Variants in COMMD1 observed in about 807,000 individuals in gnomAD.
The protein encoded by COMMD1 is copper metabolism domain containing 1, also known as COMM domain-containing protein 1.
In COMMD1, 10 loss-of-function variants were observed where a neutral mutation model predicts 17.2. That is an observed-to-expected ratio of 0.58 (90% confidence interval 0.36 to 0.99). The LOEUF is 0.99. COMMD1 is among the 50% of genes least tolerant of loss of function. COMMD1 has a pLI of 0.01. For synonymous variants in COMMD1, 97 were observed against 91.6 expected (o/e 1.06, Z -0.34); for missense variants, 270 against 231.8 (o/e 1.17, Z -1.07).
At chr2:62,033,875 C>T (rs993810833) in intron 2 of COMMD1, among the ~76,000 whole-genome samples, 36 of 151,448 alleles carry the variant, frequency 2.4e-4, no homozygotes, top group Admixed American at 2.2e-3. Context: ...TTTGGGAGAC[C>T]GAGGCAGGAG....
chr2:62,120,826 A>C (rs1672722063), intron 2 of COMMD1, among the ~76,000 whole-genome samples: 3 of 152,122 alleles, frequency 2.0e-5, no homozygotes, highest in Admixed American at 2.0e-4. Context: ...GTGCTCAAGC[A>C]GCCCTCCTGC....
At chr2:61,988,058 C>T (rs770959634) in intron 1 of COMMD1, among the ~76,000 whole-genome samples, 3 of 152,176 alleles carry the variant, frequency 2.0e-5, no homozygotes, top group Non-Finnish European at 4.4e-5. Context: ...CCCTTCCTGG[C>T]ATTGGGCTCC....
intron 2 of COMMD1, among the ~76,000 whole-genome samples, chr2:62,099,289 T>A (rs890783732): frequency 2.0e-5 from 3 of 152,200 alleles, no homozygotes; most frequent in Non-Finnish European, 2.9e-5. Flanking sequence ...TTCCTCTTTT[T>A]GATGATTCTA....
At chr2:61,967,440 C>G (rs1480479499) in intron 1 of COMMD1, among the ~76,000 whole-genome samples, 1 of 152,074 alleles carries the variant, frequency 6.6e-6, no homozygotes, top group African/African-American at 2.4e-5. Flanking sequence ...ATATGTAGAC[C>G]ATACTTTGGG....
chr2:62,102,389 T>A (rs1672209653), intron 2 of COMMD1, among the ~76,000 whole-genome samples: 1 of 152,250 alleles, frequency 6.6e-6, no homozygotes, highest in South Asian at 2.1e-4. Flanking sequence ...TAATTCCTCC[T>A]GTCAGACTTA....
intron 2 of COMMD1, chr2:62,090,658 G>T (rs1671800372): frequency 6.6e-6 from 1 of 152,106 alleles, no homozygotes; most frequent in Non-Finnish European, 1.5e-5. Context: ...CTACAATGTT[G>T]TTTTTTTGTC....
intron 2 of COMMD1, among the ~76,000 whole-genome samples, chr2:62,017,686 A>G (rs927736512): frequency 1.2e-4 from 18 of 151,412 alleles, no homozygotes; most frequent in African/African-American, 3.6e-4. Flanking sequence ...AAAGAAAAAA[A>G]AAAGAAAAAT....
At chr2:61,905,207 G>T (rs1163128132), upstream of COMMD1, among the ~76,000 whole-genome samples, 2 of 152,068 alleles carry the variant, frequency 1.3e-5, no homozygotes, top group African/African-American at 2.4e-5. Context: ...ACAACCCAAA[G>T]AAAAACATTA....
intron 1 of COMMD1, among the ~76,000 whole-genome samples, chr2:61,933,255 A>ACATTGCTCAGCTGCTTGTATCCC (rs1670516626): frequency 1.3e-5 from 2 of 151,654 alleles, no homozygotes; most frequent in African/African-American, 4.8e-5. Flanking sequence ...GCTTGTATCC[A>ACATTGCTCAGCTGCTTGTATCCC]CATTGCTCAG....
intron 1 of COMMD1, 65 bp downstream of exon 1, chr2:61,905,923 C>A (rs1572947452): frequency 4.7e-6 from 7 of 1,492,920 alleles, no homozygotes; most frequent in Non-Finnish European, 6.5e-6. Flanking sequence ...TTCAGACTCT[C>A]CCCCCCTTGC....
chr2:61,964,787 C>T (rs1030836048), intron 1 of COMMD1, among the ~76,000 whole-genome samples: 2 of 152,186 alleles, frequency 1.3e-5, no homozygotes, highest in Admixed American at 6.5e-5. Context: ...GCAGGAGAAT[C>T]GCTTGAACCT....
chr2:61,988,623 G>A (rs1011420421), intron 1 of COMMD1, among the ~76,000 whole-genome samples: 5 of 152,146 alleles, frequency 3.3e-5, no homozygotes, highest in Admixed American at 3.3e-4. Context: ...GCTGCCTGGG[G>A]TTGGTGGAGG....
chr2:61,892,878 TC>T (rs1009848303), intron 1 of COMMD1, among the ~76,000 whole-genome samples: 3 of 151,584 alleles, frequency 2.0e-5, no homozygotes, highest in Admixed American at 6.6e-5. Flanking sequence ...TCTTTTTTTT[TC>T]CCCCCTGAAA....
chr2:61,987,105 C>G (rs1351511219), intron 1 of COMMD1, among the ~76,000 whole-genome samples: 1 of 152,118 alleles, frequency 6.6e-6, no homozygotes, highest in Non-Finnish European at 1.5e-5. Context: ...TCTTGAATTT[C>G]TTCAAGTTTT....
chr2:62,023,598 C>G lies in COMMD1; in HGVS notation c.462+22616C>G, dbSNP rs143077898. ...TCCTGGGTTCAAGCGATTCTCCTGC[C>G]TCAGCATCCTGAGTAGCTGGGAGTA... On this transcript the variant is annotated intron_variant, in intron 2 of 2. Coordinates refer to ENST00000311832, the MANE Select transcript of COMMD1 (RefSeq NM_152516.4). Among the ~76,000 whole-genome samples the G allele has an allele frequency of 5.5e-3, 833 of 152,142 alleles. 10 individuals are homozygous for G. The highest frequency in any genetic ancestry group is 0.019 in the African/African-American group (792 of 41,498).
chr2:61,963,190 T>TAC (rs375894719), intron 1 of COMMD1, among the ~76,000 whole-genome samples: 6,967 of 136,268 alleles, frequency 0.051, 210 homozygotes, highest in East Asian at 0.081. Flanking sequence ...ATATATTATA[T>TAC]ACACACACAC....
At chr2:62,115,256 G>A (rs1200922191) in intron 2 of COMMD1, among the ~76,000 whole-genome samples, 3 of 152,218 alleles carry the variant, frequency 2.0e-5, no homozygotes, top group Admixed American at 6.5e-5. Flanking sequence ...CAAAGCCCAT[G>A]TTCACTAATC....
chr2:62,096,592 A>T (rs768897460), intron 2 of COMMD1, among the ~76,000 whole-genome samples: 34 of 152,172 alleles, frequency 2.2e-4, no homozygotes, highest in Non-Finnish European at 4.3e-4. Context: ...GGGGTTGGGC[A>T]TTAAGGAGTA....
intron 1 of COMMD1, among the ~76,000 whole-genome samples, chr2:61,964,834 C>T (rs1163319842): frequency 6.6e-6 from 1 of 152,084 alleles, no homozygotes; most frequent in East Asian, 1.9e-4. Flanking sequence ...GATCATGCCA[C>T]TGCACTCTAG....
Sources: gnomAD v4.1 joint callset for allele counts (sites outside exome capture counted in the v4.1 genomes callset) on GRCh38, gnomAD v4.1.1 for gene constraint, MANE v1.5 for transcripts, NCBI Gene and HGNC (gene_info 2026-07-23, HGNC 2026-07-21) for gene names.